LPP: variants seen among roughly 807,000 people sequenced by gnomAD.
The protein encoded by LPP is LIM domain containing preferred translocation partner in lipoma.
LPP carries 38 observed loss-of-function variants against 60.4 expected under a neutral mutation model. The ratio of observed to expected loss-of-function variants is 0.63; its 90% confidence interval spans 0.49 to 0.83. The LOEUF is 0.83. LPP is among the 40% of genes least tolerant of loss of function. The pLI, the probability that LPP is intolerant of heterozygous loss-of-function variation, is 0.00. For synonymous variants in LPP, 328 were observed against 290.8 expected, an observed-to-expected ratio of 1.13 and a Z score of -1.30; for missense variants, 902 against 783.6, an observed-to-expected ratio of 1.15 and a Z score of -1.80.
At chr3:188,168,699 C>G (rs949041643) in intron 1 of LPP, among the ~76,000 whole-genome samples, 1 of 152,164 alleles carries the variant, frequency 6.6e-6, no homozygotes, top group African/African-American at 2.4e-5. Context: ...TTTAATAAGG[C>G]AGTTATCTTC....
chr3:188,205,833 C>G (rs551104038), intron 1 of LPP, among the ~76,000 whole-genome samples: 1 of 152,090 alleles, frequency 6.6e-6, no homozygotes, highest in East Asian at 1.9e-4. Context: ...GGATATAGCA[C>G]GGAGGGAGGT....
Position 188,882,620 on chromosome 3 carries a change from A to C in LPP, c.*8141A>C, listed in dbSNP as rs1450258044. 4.5e-6 allele frequency: 1 copy of C among 221,756 alleles called. No homozygotes were observed. Among genetic ancestry groups the C allele is most frequent in the Admixed American group, 5.8e-5 (1 of 17,360 alleles). The allele number at this position is 221,756 out of a possible 1,614,324, so 13.7% of individuals were successfully genotyped here. The stretch of plus-strand genomic sequence containing the variant: ...TACATGTCCTTTGACCCTCCACAAA[A>C]GAACAAGCAGGACATCTCTATTTTC... On this transcript the variant is annotated 3_prime_UTR_variant, in exon 12 of 12. Coordinates refer to ENST00000617246, the MANE Select transcript of LPP (RefSeq NM_001375462.1).
chr3:188,507,012 T>A lies in LPP; in HGVS notation c.307-17653T>A, dbSNP rs886730903. ...CGGGGTTTCACTGTGTTAGTCAGGA[T>A]GGTCTTGATCTCCTGGCCTCGTGGT... On this transcript the variant is annotated intron_variant, in intron 5 of 11. Transcript: ENST00000617246. Among the ~76,000 whole-genome samples the A allele has an allele frequency of 1.0e-3, 155 of 152,128 alleles. 1 individual carries two copies. Among genetic ancestry groups the A allele is most frequent in the African/African-American group, 3.5e-3 (147 of 41,452 alleles).
intron 3 of LPP, among the ~76,000 whole-genome samples, chr3:188,381,067 T>C (rs555817072): frequency 6.6e-6 from 1 of 152,320 alleles, no homozygotes; most frequent in South Asian, 2.1e-4. Flanking sequence ...TTACCTTTTA[T>C]AGGCTCTGGA....
chr3:188,219,793 C>T (rs568948080), intron 1 of LPP, among the ~76,000 whole-genome samples: 1 of 152,276 alleles, frequency 6.6e-6, no homozygotes, highest in East Asian at 1.9e-4. Context: ...CCAGATATAT[C>T]TTGCACTTTC....
At chr3:188,615,595 G>A (rs1033197565) in intron 7 of LPP, among the ~76,000 whole-genome samples, 4 of 152,156 alleles carry the variant, frequency 2.6e-5, no homozygotes, top group South Asian at 4.1e-4. Flanking sequence ...TGAACATTGT[G>A]TTCACTTTGA....
intron 6 of LPP, among the ~76,000 whole-genome samples, chr3:188,536,690 G>A (rs1247506470): frequency 2.0e-5 from 1 of 49,290 alleles, no homozygotes; most frequent in Admixed American, 2.0e-4. Context: ...TAAAATATAA[G>A]ATTTAAGTGG....
intron 9 of LPP, among the ~76,000 whole-genome samples, chr3:188,789,365 G>C (rs1470023119): frequency 1.3e-5 from 2 of 152,196 alleles, no homozygotes; most frequent in African/African-American, 4.8e-5. Context: ...AATCAGGAAA[G>C]CTGGGCCCAG....
chr3:188,251,189 A>G (rs148862885), intron 2 of LPP, among the ~76,000 whole-genome samples: 77 of 149,434 alleles, frequency 5.2e-4, no homozygotes, highest in Admixed American at 1.3e-3. Flanking sequence ...CATTCTTGCT[A>G]TATAATTATT....
Position 188,609,426 on chromosome 3 carries a change from C to G in LPP, c.695C>G (p.Pro232Arg), listed in dbSNP as rs1843188652. 6.2e-7 allele frequency: 1 copy of G among 1,614,172 alleles called. No individual in the cohort carries two copies. The highest frequency in any genetic ancestry group is 1.3e-5 in the African/African-American group (1 of 75,056). The change falls in exon 7 of 12, where the codon CCT becomes CGT. Residue 232 changes from proline to arginine, a missense_variant. Physicochemically the swap from Pro to Arg is moderately radical, Grantham distance 103 (BLOSUM62 -2). Transcript: ENST00000617246. The surrounding 1 kb of genome is among the most constrained non-coding windows in gnomAD (Gnocchi z 6.9). ...CAGGTGAAGTCAGCCCAGCCCAGCCCTCATTATATGGCTGCCCCTTCATCA... is the reference window on the plus strand; with the variant it reads ...CAGGTGAAGTCAGCCCAGCCCAGCCGTCATTATATGGCTGCCCCTTCATCA... ...NVQVKSAQPS[P>R]HYMAAPSSGQ... is the part of the protein sequence containing the mutation.
chr3:188,189,521 C>T (rs1238068600), intron 1 of LPP, among the ~76,000 whole-genome samples: 6 of 152,210 alleles, frequency 3.9e-5, no homozygotes, highest in Admixed American at 6.5e-5. Context: ...GCCTAAGACA[C>T]CTCATTCTCT....
At chr3:188,635,482 A>G (rs910643848) in intron 7 of LPP, among the ~76,000 whole-genome samples, 4 of 152,218 alleles carry the variant, frequency 2.6e-5, no homozygotes, top group African/African-American at 9.7e-5. Flanking sequence ...TTATTTTGAC[A>G]TGCTCAGACA....
At chr3:188,249,218 C>T (rs1198234853) in intron 2 of LPP, among the ~76,000 whole-genome samples, 1 of 151,984 alleles carries the variant, frequency 6.6e-6, no homozygotes, top group Non-Finnish European at 1.5e-5. Flanking sequence ...TCAACACAGC[C>T]GAGACCCCAC....
rs1260656926 is a variant in LPP, at chr3:188,592,557, G to GTTTGTTTTTTTTTTTTTTTTT, written c.430-16601_430-16600insGTTTTTTTTTTTTTTTTTTTT. On this transcript the variant is annotated intron_variant, in intron 6 of 11. Transcript: ENST00000617246. ...TATCACTGTTTTTAGTTTTGTTTTT[G>GTTTGTTTTTTTTTTTTTTTTT]TTTTTTAAATGGAGTCTCACTCTTT... Among the ~76,000 whole-genome samples the GTTTGTTTTTTTTTTTTTTTTT allele has an allele frequency of 5.6e-4, 48 of 85,758 alleles. 1 individual carries two copies. Among genetic ancestry groups the GTTTGTTTTTTTTTTTTTTTTT allele is most frequent in the African/African-American group, 1.3e-3 (29 of 22,154 alleles). The allele number at this position is 85,758 out of a possible 152,430, so 56.3% of individuals were successfully genotyped here.
intron 2 of LPP, among the ~76,000 whole-genome samples, chr3:188,272,325 TC>T (rs1403163644): frequency 6.6e-6 from 1 of 152,206 alleles, no homozygotes; most frequent in African/African-American, 2.4e-5. Context: ...GACACTGAGC[TC>T]ATCAACTTGT....
chr3:188,793,259 G>A (rs544399502), intron 9 of LPP, among the ~76,000 whole-genome samples: 11 of 148,502 alleles, frequency 7.4e-5, no homozygotes, highest in Non-Finnish European at 1.3e-4. Context: ...CTCTGTTCCC[G>A]CAACCTATGC....
intron 6 of LPP, among the ~76,000 whole-genome samples, chr3:188,593,253 T>C (rs574332018): frequency 6.6e-6 from 1 of 151,988 alleles, no homozygotes; most frequent in African/African-American, 2.4e-5. Context: ...ATCATGTTCC[T>C]TTATTTCTAT....
chr3:188,505,919 C>T (rs1813318849), intron 5 of LPP, among the ~76,000 whole-genome samples: 1 of 152,146 alleles, frequency 6.6e-6, no homozygotes, highest in Non-Finnish European at 1.5e-5. Flanking sequence ...TCAGAGTACT[C>T]TATGACCTAC....
At chr3:188,844,725 G>A (rs1305037899) in intron 9 of LPP, among the ~76,000 whole-genome samples, 1 of 152,222 alleles carries the variant, frequency 6.6e-6, no homozygotes, top group African/African-American at 2.4e-5. Flanking sequence ...AAGGAGCGTA[G>A]ACCTACAGAA....
Sources: allele counts gnomAD v4.1 joint callset (sites outside exome capture counted in the v4.1 genomes callset), GRCh38; gene constraint gnomAD v4.1.1; non-coding constraint Gnocchi (gnomAD v3.1); transcripts MANE v1.5; gene names NCBI Gene and HGNC (gene_info 2026-07-23, HGNC 2026-07-21).